Variants in COL5A3 observed in about 807,000 individuals in gnomAD.
COL5A3 encodes the protein collagen type V alpha 3 chain.
A neutral mutation model predicts 250.0 loss-of-function variants in COL5A3; 172 were observed. The observed-to-expected ratio is 0.69, with a 90% CI of 0.61 to 0.78. The LOEUF is 0.78. Among genes scored for constraint, COL5A3 ranks in the 30% least tolerant of loss-of-function variants. The probability of loss-of-function intolerance (pLI) is 0.00; values close to 1 mark genes in which losing one functional copy is unlikely to be tolerated. For missense variants in COL5A3, 2,340 were observed against 2,334.4 expected (o/e 1.00, Z -0.05); for synonymous variants, 937 against 900.4 (o/e 1.04, Z -0.73).
chr19:9,981,701 A>G (rs1004504838), intron 32 of COL5A3, among the ~76,000 whole-genome samples: 2 of 152,150 alleles, frequency 1.3e-5, no homozygotes, highest in Non-Finnish European at 2.9e-5. Context: ...GTGTATACAC[A>G]TGTCCTTTCA....
intron 32 of COL5A3, 41 bp from the exon 33 acceptor site, chr19:9,981,173 G>T (rs1244680028): frequency 6.3e-7 from 1 of 1,593,972 alleles, no homozygotes; most frequent in African/African-American, 1.3e-5. Context: ...AGAGAGTTAG[G>T]GTGCAAAGGT....
chr19:9,965,684 CT>C (rs1381844268), intron 64 of COL5A3, among the ~76,000 whole-genome samples: 5 of 147,172 alleles, frequency 3.4e-5, no homozygotes, highest in Admixed American at 2.0e-4. Flanking sequence ...AACTCCTGAC[CT>C]CAGGTGATCT....
rs752395517 is a variant in COL5A3 at position 10,004,074 on chromosome 19, G to A, written c.666C>T (p.Pro222=). The A allele has an allele frequency of 3.0e-5, 48 of 1,613,842 alleles. No individual in the cohort carries two copies. Among genetic ancestry groups the A allele is most frequent in the African/African-American group, 6.7e-5 (5 of 74,888 alleles). The change falls in exon 5 of 67, where the codon CCC becomes CCT. Residue 222 remains proline, a synonymous_variant. Coordinates refer to ENST00000264828, the MANE Select transcript of COL5A3 (RefSeq NM_015719.4). ...AAFQACERYL[P]DCDNLAPAAT... is the part of the protein sequence containing the mutation. ...CTGCCGGTGCCAGGTTGTCACAGTCGGGGAGGTACCGCTCACAAGCCTGGA... is the reference window on the plus strand; with the variant it reads ...CTGCCGGTGCCAGGTTGTCACAGTCAGGGAGGTACCGCTCACAAGCCTGGA...
chr19:9,960,475 G>A lies in COL5A3; in HGVS notation c.5174C>T (p.Thr1725Ile), dbSNP rs1324836389. 6.2e-7 allele frequency: 1 copy of A among 1,614,080 alleles called. No homozygotes were observed. The highest frequency in any genetic ancestry group is 8.5e-7 in the Non-Finnish European group (1 of 1,180,058). ...GFLPLWDVAA[T>I]DFGQTNQKFG... ...CTTTTGGTTCGTCTGGCCAAAGTCA[G>A]TGGCCGCCACATCCCACAGGGGCAG... The change falls in exon 67 of 67, where the codon ACT (threonine) becomes ATT (isoleucine). Residue 1725 changes from threonine to isoleucine, a missense_variant. Thr to Ile is a moderately conservative substitution (Grantham distance 89). This residue lies in a region of COL5A3 where 1,179 missense variants were observed against 1,162.6 expected (regional missense o/e 1.01). Transcript: ENST00000264828.
rs948330160 is a variant in COL5A3 at position 10,005,218 on chromosome 19, G to A, written c.594+340C>T. Among the ~76,000 whole-genome samples, 8 of 152,096 alleles carry A rather than the reference G, an allele frequency of 5.3e-5. No homozygotes were observed. The East Asian group carries it at 1.2e-3, about 22-fold the overall frequency. The stretch of plus-strand genomic sequence containing the variant: ...CTAAAAATTCAAAAATTAGCTGGGC[G>A]TGGTGGCACACACCTGTAATCTCAG... On this transcript the variant is annotated intron_variant, in intron 4 of 66. Coordinates refer to ENST00000264828, the MANE Select transcript of COL5A3 (RefSeq NM_015719.4).
At chr19:9,981,942 T>G in intron 32 of COL5A3, 123 bp downstream of exon 32, 1 of 767,224 alleles carries the variant, frequency 1.3e-6, no homozygotes, top group Non-Finnish European at 2.4e-6. Context: ...ATAGCATGTG[T>G]GCACACAAAT....
At chr19:9,997,492 T>C in intron 10 of COL5A3, 59 bp from the exon 11 acceptor site, 1 of 1,137,196 alleles carries the variant, frequency 8.8e-7, no homozygotes, top group Non-Finnish European at 1.3e-6. Flanking sequence ...TAGGCTGACT[T>C]TCAACCTACC....
rs1198213747 is a variant in COL5A3 at position 10,006,209 on chromosome 19, G to T, written c.111C>A (p.Ala37=). ...CAGCCTGGCCTCCCTGCACACCCAG[G>T]GCCTTCAGGACATCCACAGGATCTG... ...TQADPVDVLK[A]LGVQGGQAGV... Residue 37 remains alanine, a synonymous_variant, in exon 2 of 67, where the codon GCC becomes GCA. Coordinates refer to ENST00000264828, the MANE Select transcript of COL5A3 (RefSeq NM_015719.4). The T allele has an allele frequency of 2.5e-6, 4 of 1,602,092 alleles. No individual in the cohort carries two copies. Among genetic ancestry groups the T allele is most frequent in the Non-Finnish European group, 3.4e-6 (4 of 1,175,052 alleles).
At position 10,006,132 on chromosome 19, in the gene COL5A3, C is replaced by G. The variant is rs144021089; in HGVS notation, c.188G>C (p.Arg63Pro). Residue 63 changes from arginine (R) to proline (P), a missense_variant, in exon 2 of 67, where the codon CGG (arginine) becomes CCG (proline). By Grantham distance (103) the Arg-to-Pro change is moderately radical (BLOSUM62 -2). This residue lies in a region of COL5A3 where 1,152 missense variants were observed against 1,146.3 expected (regional missense o/e 1.00). Coordinates refer to ENST00000264828, the MANE Select transcript of COL5A3 (RefSeq NM_015719.4). ...GCTGGCCTGGCCAATTCTGAATGCCCGGTCACCCTCTGGAGTCCTCTGGGG... is the reference window on the plus strand; with the variant it reads ...GCTGGCCTGGCCAATTCTGAATGCCGGGTCACCCTCTGGAGTCCTCTGGGG... ...FCPQRTPEGD[R>P]AFRIGQASTL... is the part of the protein sequence containing the mutation. The G allele has an allele frequency of 1.2e-6, 2 of 1,613,374 alleles. No homozygotes were observed. The highest frequency in any genetic ancestry group is 1.7e-6 in the Non-Finnish European group (2 of 1,179,694).
Position 9,968,560 on chromosome 19 carries a change from C to T in COL5A3, c.4207-68G>A. ...ATTCAGGGAGGTTTTTCTCCTAGAG[C>T]CTTAGGGTGATGAGTTTGGGAGCAG... On this transcript the variant is annotated intron_variant, in intron 58 of 66. Transcript: ENST00000264828. This position sits in a 1 kb window ranked among gnomAD's most constrained non-coding sequence, Gnocchi z 4.1. The T allele has an allele frequency of 1.3e-6, 2 of 1,579,454 alleles. No individual in the cohort carries two copies. The highest frequency in any genetic ancestry group is 1.7e-6 in the Non-Finnish European group (2 of 1,157,764).
Position 9,989,461 on chromosome 19 carries a change from G to T in COL5A3, c.2046+8C>A. On this transcript the variant is annotated splice_region_variant and intron_variant, in intron 25 of 66. Coordinates refer to ENST00000264828, the MANE Select transcript of COL5A3 (RefSeq NM_015719.4). ...TCCTTCCTCCTTTTCCCAGCTCATG[G>T]TTCTCACCAGAGGGCCATCGGATCC... 1.2e-6 allele frequency: 2 copies of T among 1,613,706 alleles called. No homozygotes were observed. The highest frequency in any genetic ancestry group is 1.7e-6 in the Non-Finnish European group (2 of 1,179,748).
intron 24 of COL5A3, among the ~76,000 whole-genome samples, chr19:9,990,688 G>C (rs867327534): frequency 6.6e-6 from 1 of 151,630 alleles, no homozygotes; most frequent in Non-Finnish European, 1.5e-5. Flanking sequence ...TCAGCCTCCC[G>C]AGTAGCTGGG....
At chr19:10,002,359 T>A (rs2087376583) in intron 6 of COL5A3, among the ~76,000 whole-genome samples, 1 of 151,906 alleles carries the variant, frequency 6.6e-6, no homozygotes, top group Non-Finnish European at 1.5e-5. Context: ...GGCCCACTAC[T>A]CCTGGTGTTT....
At chr19:9,977,534 G>A (rs1465031630) in intron 42 of COL5A3, 60 bp downstream of exon 42, 4 of 1,509,548 alleles carry the variant, frequency 2.6e-6, no homozygotes, top group African/African-American at 2.8e-5. Flanking sequence ...GCCATGTCCT[G>A]GGATGTGGCA....
intron 1 of COL5A3, among the ~76,000 whole-genome samples, chr19:10,007,602 C>T (rs1371587748): frequency 6.6e-6 from 1 of 152,224 alleles, no homozygotes; most frequent in Non-Finnish European, 1.5e-5. Flanking sequence ...CACTGACCCC[C>T]TGCCCCAGCC....
rs531909435 is a variant in COL5A3 at position 10,007,488 on chromosome 19, T to C, written c.89-1257A>G. On this transcript the variant is annotated intron_variant, in intron 1 of 66. Transcript: ENST00000264828. The stretch of plus-strand genomic sequence containing the variant: ...CCACCCCAGCAGGCAGCCCAGCCAG[T>C]GCTAAGTGGAACCACATGGCTTGGG... 5.9e-5 allele frequency among the ~76,000 whole-genome samples: 9 copies of C among 152,326 alleles called. No individual in the cohort carries two copies. The East Asian group carries it at 1.7e-3, about 29-fold the overall frequency.
At chr19:9,980,078 C>T in intron 35 of COL5A3, 31 bp from the exon 36 acceptor site, 1 of 1,577,682 alleles carries the variant, frequency 6.3e-7, no homozygotes, top group South Asian at 1.2e-5. Context: ...ATGATCTCAT[C>T]CCCCCTGCCT....
In COL5A3 at chr19:9,984,047, CAG is replaced by C. The variant is rs1428097488; in HGVS notation, c.2406+1793_2406+1794del. On this transcript the variant is annotated intron_variant, in intron 31 of 66. Coordinates refer to ENST00000264828, the MANE Select transcript of COL5A3 (RefSeq NM_015719.4). ...TGTCTATTTTTTTTTTCTTTTGAGA[CAG>C]AGTCTCACTCTGTTGCCCAGGGTGG... Among the ~76,000 whole-genome samples the C allele has an allele frequency of 3.3e-5, 5 of 151,466 alleles. 1 individual carries two copies. The highest frequency in any genetic ancestry group is 4.2e-4 in the South Asian group (2 of 4,802).
Position 9,973,969 on chromosome 19 carries a change from G to C in COL5A3, c.3508C>G (p.Pro1170Ala). ...CCCCGAGGACCTGGAGCTCCATGGG[G>C]ACCCTGTGGAAGGTCAGAATTAGTA... Reference protein sequence around the residue: ...GEVGDVGSMGPHGAPGPRGPQ... With the variant: ...GEVGDVGSMGAHGAPGPRGPQ... Residue 1170 changes from proline to alanine, a missense_variant, in exon 48 of 67, where the codon CCC becomes GCC. By Grantham distance (27) the Pro-to-Ala change is conservative (BLOSUM62 -1). This residue lies in a region of COL5A3 where 1,179 missense variants were observed against 1,162.6 expected (regional missense o/e 1.01). Coordinates refer to ENST00000264828, the MANE Select transcript of COL5A3 (RefSeq NM_015719.4). The C allele has an allele frequency of 6.5e-7, 1 of 1,536,636 alleles. No individual in the cohort carries two copies. Among genetic ancestry groups the C allele is most frequent in the Non-Finnish European group, 8.8e-7 (1 of 1,142,468 alleles).
Sources: allele counts gnomAD v4.1 joint callset (sites outside exome capture counted in the v4.1 genomes callset), GRCh38; gene constraint gnomAD v4.1.1; regional missense constraint gnomAD v4.1.1; non-coding constraint Gnocchi (gnomAD v3.1); transcripts MANE v1.5; gene names NCBI Gene and HGNC (gene_info 2026-07-23, HGNC 2026-07-21).